NOTCH2: variants seen among roughly 807,000 people sequenced by gnomAD.
NOTCH2 encodes the protein neurogenic locus notch homolog protein 2.
NOTCH2 carries 29 observed loss-of-function variants against 235.8 expected under a neutral mutation model. The observed-to-expected ratio is 0.12, with a 90% CI of 0.09 to 0.17. The LOEUF (loss-of-function observed/expected upper bound fraction) is 0.17, where lower values mean the gene tolerates loss of function less well. NOTCH2 is among the 10% of genes least tolerant of loss of function. The pLI, the probability that NOTCH2 is intolerant of heterozygous loss-of-function variation, is 1.00. For synonymous variants in NOTCH2, 1,086 were observed against 1,141.5 expected, an observed-to-expected ratio of 0.95 and a Z score of 0.98; for missense variants, 2,285 against 3,150.2, an observed-to-expected ratio of 0.73 and a Z score of 6.57.
At chr1:120,006,776 C>T (rs1305757925) in intron 2 of NOTCH2, among the ~76,000 whole-genome samples, 1 of 152,098 alleles carries the variant, frequency 6.6e-6, no homozygotes, top group African/African-American at 2.4e-5. Context: ...CTTCTGTGCC[C>T]AAGCCTTGTT....
chr1:120,042,049 A>G (rs1654596864), intron 1 of NOTCH2, among the ~76,000 whole-genome samples: 1 of 135,584 alleles, frequency 7.4e-6, no homozygotes, highest in Admixed American at 7.1e-5. Context: ...CTTCCATTTC[A>G]TCTGCTTTGT....
chr1:119,928,996 A>C lies in NOTCH2; in HGVS notation c.3872T>G (p.Val1291Gly), dbSNP rs2101168975. The part of the protein sequence containing the change: ...CIQLTNDYLC[V>G]CRSAFTGRHC... ...CTCACCAGTAAAGGCACTACGGCAA[A>C]CACACAGGTAGTCATTGGTGAGCTG... is the stretch of plus-strand genomic sequence containing the variant. Residue 1291 changes from valine (V) to glycine (G), a missense_variant, in exon 23 of 34, where the codon GTT becomes GGT. Around this residue, in one of 6 missense-constraint regions of NOTCH2, gnomAD observed 1,173 missense variants for 1,515.3 expected, o/e 0.77. Transcript: ENST00000256646. 1 of 1,614,154 alleles carries C rather than the reference A, an allele frequency of 6.2e-7. No homozygotes were observed. Among genetic ancestry groups the C allele is most frequent in the Non-Finnish European group, 8.5e-7 (1 of 1,180,000 alleles).
intron 19 of NOTCH2, among the ~76,000 whole-genome samples, chr1:119,938,680 T>C (rs1173445984): frequency 6.6e-6 from 1 of 152,140 alleles, no homozygotes; most frequent in Non-Finnish European, 1.5e-5. Flanking sequence ...AATTGGTATA[T>C]TCATTCTTTT....
intron 6 of NOTCH2, among the ~76,000 whole-genome samples, chr1:119,968,535 ATAGTGTGCCAG>A (rs1424180162): frequency 6.6e-6 from 1 of 152,214 alleles, no homozygotes; most frequent in Admixed American, 6.5e-5. Context: ...TATCTTCCAG[ATAGTGTGCCAG>A]ATTTAGCAAA....
At chr1:119,932,651 CTCAG>C (rs1553195310) in intron 22 of NOTCH2, among the ~76,000 whole-genome samples, 2 of 149,160 alleles carry the variant, frequency 1.3e-5, no homozygotes, top group African/African-American at 5.0e-5. Flanking sequence ...ATCTATCTAT[CTCAG>C]AGAGAGAGAG....
intron 1 of NOTCH2, among the ~76,000 whole-genome samples, chr1:120,062,736 C>T (rs1393038243): frequency 7.7e-6 from 1 of 130,086 alleles, no homozygotes; most frequent in Admixed American, 7.5e-5. Context: ...TGACAACACA[C>T]CACAATGCTC....
At chr1:120,041,157 T>C (rs1654551523) in intron 1 of NOTCH2, among the ~76,000 whole-genome samples, 1 of 127,888 alleles carries the variant, frequency 7.8e-6, no homozygotes, top group East Asian at 2.0e-4. Context: ...TACAGCTATG[T>C]CCCACATCAA....
intron 22 of NOTCH2, among the ~76,000 whole-genome samples, chr1:119,932,910 AAG>A (rs1649719373): frequency 6.6e-6 from 1 of 152,200 alleles, no homozygotes; most frequent in African/African-American, 2.4e-5. Flanking sequence ...TGCCCACCAG[AAG>A]AGAGATGGGA....
In NOTCH2 at chr1:119,919,303, G is replaced by A; in HGVS notation, c.5781+9C>T. 2 of 1,608,332 alleles carry A rather than the reference G, an allele frequency of 1.2e-6. No homozygotes were observed. The highest frequency in any genetic ancestry group is 2.2e-5 in the East Asian group (1 of 44,876). ...TTATTATTCAAGTGACTCTTCTCAT[G>A]TTCTTTACCTGGAAGACACCTTGGG... On this transcript the variant is annotated intron_variant, in intron 31 of 33. Coordinates refer to ENST00000256646, the MANE Select transcript of NOTCH2 (RefSeq NM_024408.4).
intron 28 of NOTCH2, 106 bp downstream of exon 28, chr1:119,922,130 G>C: frequency 7.9e-7 from 1 of 1,267,208 alleles, no homozygotes; most frequent in Non-Finnish European, 1.1e-6. Context: ...GTCAATGTGA[G>C]TAAATGCCCA....
intron 22 of NOTCH2, among the ~76,000 whole-genome samples, chr1:119,934,718 T>C (rs587608388): frequency 6.6e-6 from 1 of 152,346 alleles, no homozygotes; most frequent in South Asian, 2.1e-4. Flanking sequence ...TCTTTGACAC[T>C]AACAAGGATG....
In NOTCH2 at chr1:119,963,817, G is replaced by T. The variant is rs782581707; in HGVS notation, c.1682-10C>A. 16 of 1,610,138 alleles carry T rather than the reference G, an allele frequency of 9.9e-6. No individual in the cohort carries two copies. Among genetic ancestry groups the T allele is most frequent in the African/African-American group, 1.3e-5 (1 of 74,818 alleles). ...AACACACCAGTGAAACCTTTGGAAAGAATTTTATCAAGGATTCTCAAAGAC... is the reference window on the plus strand; with the variant it reads ...AACACACCAGTGAAACCTTTGGAAATAATTTTATCAAGGATTCTCAAAGAC... On this transcript the variant is annotated splice_polypyrimidine_tract_variant and intron_variant, in intron 10 of 33. Transcript: ENST00000256646.
At chr1:120,034,374 G>T (rs1654226425) in intron 1 of NOTCH2, among the ~76,000 whole-genome samples, 1 of 111,000 alleles carries the variant, frequency 9.0e-6, no homozygotes, top group East Asian at 2.5e-4. Flanking sequence ...AGAAGTAGTA[G>T]ATTTCAATCT....
chr1:119,950,822 A>G lies in NOTCH2; in HGVS notation c.2381T>C (p.Val794Ala), dbSNP rs782132637. ...ATTTGAGGCACATTCATCAATATTC[A>G]CCTGGCAGTTATAGCCTGTAGACAA... ...KKGFKGYNCQ[V>A]NIDECASNPC... The change falls in exon 15 of 34, where the codon GTG (valine) becomes GCG (alanine). Residue 794 changes from valine to alanine, a missense_variant. Val to Ala is a moderately conservative substitution (Grantham distance 64). Transcript: ENST00000256646. The G allele has an allele frequency of 9.9e-6, 16 of 1,612,724 alleles. No individual in the cohort carries two copies. The highest frequency in any genetic ancestry group is 1.4e-5 in the Non-Finnish European group (16 of 1,178,734).
chr1:119,914,090 T>C lies in NOTCH2; in HGVS notation c.*1216A>G, dbSNP rs1648982738. 1 of 233,160 alleles carries C rather than the reference T, an allele frequency of 4.3e-6. No individual in the cohort carries two copies. The allele number at this position is 233,160 out of a possible 1,614,324, so 14.4% of individuals were successfully genotyped here. Reference sequence around the variant, plus strand: ...GGAAGACAACTGTCACTGGGTCCCTTGGGCTAAGGAAAGTTCAGTCCTAAA... The same window carrying C: ...GGAAGACAACTGTCACTGGGTCCCTCGGGCTAAGGAAAGTTCAGTCCTAAA... On this transcript the variant is annotated 3_prime_UTR_variant, in exon 34 of 34. Coordinates refer to ENST00000256646, the MANE Select transcript of NOTCH2 (RefSeq NM_024408.4).
intron 4 of NOTCH2, among the ~76,000 whole-genome samples, chr1:119,989,290 C>A: frequency 6.6e-6 from 1 of 152,106 alleles, no homozygotes. Context: ...TAAATATCCA[C>A]ATGTAAAAGA....
At chr1:120,003,729 A>G (rs1553205865) in intron 3 of NOTCH2, among the ~76,000 whole-genome samples, 1 of 152,148 alleles carries the variant, frequency 6.6e-6, no homozygotes, top group African/African-American at 2.4e-5. Flanking sequence ...AAAATGTGAT[A>G]CATAAAACTA....
At chr1:119,951,754 G>C (rs1650483313) in intron 14 of NOTCH2, among the ~76,000 whole-genome samples, 1 of 152,200 alleles carries the variant, frequency 6.6e-6, no homozygotes, top group Admixed American at 6.5e-5. Flanking sequence ...GAGCCTTAAA[G>C]TAGAGAAACT....
At chr1:119,970,656 A>G (rs1406342773) in intron 5 of NOTCH2, among the ~76,000 whole-genome samples, 1 of 152,252 alleles carries the variant, frequency 6.6e-6, no homozygotes, top group Admixed American at 6.5e-5. Flanking sequence ...ACATCCCTTA[A>G]CAAAGAACAA....
Sources: gnomAD v4.1 joint callset for allele counts (sites outside exome capture counted in the v4.1 genomes callset) on GRCh38, gnomAD v4.1.1 for gene constraint, gnomAD v4.1.1 regional missense constraint, MANE v1.5 for transcripts, NCBI Gene and HGNC (gene_info 2026-07-23, HGNC 2026-07-21) for gene names.